The following GALNT3 variants were observed in gnomAD, a reference collection of about 807,000 sequenced individuals.
GALNT3 encodes polypeptide N-acetylgalactosaminyltransferase 3.
GALNT3 carries 51 observed loss-of-function variants against 69.8 expected under a neutral mutation model. That is an observed-to-expected ratio of 0.73 (90% CI 0.58 to 0.92). The LOEUF is 0.92. Ranked by LOEUF, GALNT3 falls within the 40% of genes least tolerant of loss-of-function variation. The pLI is 0.00. For missense variants in GALNT3, 711 were observed against 760.0 expected, an observed-to-expected ratio of 0.94 and a Z score of 0.76; for synonymous variants, 265 against 248.5, an observed-to-expected ratio of 1.07 and a Z score of -0.63.
chr2:165,765,579 T>A (rs1352302244), intron 2 of GALNT3, among the ~76,000 whole-genome samples: 1 of 151,918 alleles, frequency 6.6e-6, no homozygotes, highest in Non-Finnish European at 1.5e-5. Context: ...AAGCTTCACC[T>A]CCCAGGTTCA....
At chr2:165,784,432 A>C (rs1683178001) in intron 1 of GALNT3, among the ~76,000 whole-genome samples, 1 of 152,200 alleles carries the variant, frequency 6.6e-6, no homozygotes, top group Non-Finnish European at 1.5e-5. Flanking sequence ...TATAAGGGGC[A>C]TGGAAGCTTA....
intron 3 of GALNT3, among the ~76,000 whole-genome samples, chr2:165,763,136 C>G (rs554832264): frequency 8.5e-5 from 13 of 152,128 alleles, no homozygotes; most frequent in South Asian, 6.2e-4. Flanking sequence ...GCCTGTTTTT[C>G]TCAATTAAAT....
chr2:165,756,182 T>A (rs1187271045), intron 7 of GALNT3, among the ~76,000 whole-genome samples: 1 of 152,136 alleles, frequency 6.6e-6, no homozygotes, highest in Non-Finnish European at 1.5e-5. Context: ...AGCCAAAATA[T>A]TGATACCCTT....
intron 2 of GALNT3, among the ~76,000 whole-genome samples, chr2:165,766,044 G>A (rs1688637715): frequency 6.6e-6 from 1 of 152,074 alleles, no homozygotes; most frequent in Non-Finnish European, 1.5e-5. Flanking sequence ...CTCCCATAGT[G>A]GTGGGATTAT....
At position 165,747,591 on chromosome 2, in the gene GALNT3, G is replaced by C. The variant is rs767291380; in HGVS notation, c.*1190C>G. 1 of 151,770 alleles carries C rather than the reference G, an allele frequency of 6.6e-6. No individual in the cohort carries two copies. The highest frequency in any genetic ancestry group is 2.4e-5 in the African/African-American group (1 of 41,286). 9.4% of individuals were successfully genotyped at this position (151,770 alleles called of 1,614,324 possible). A position where few individuals can be genotyped will look rare whatever the true frequency, so the allele number is the denominator to read the frequency against. On this transcript the variant is annotated 3_prime_UTR_variant, in exon 11 of 11. Transcript: ENST00000392701. ...ATTTTTTTAAAACATCATTCTATCAGATGCTTAAGGAACTTTATCAGAAAT... is the reference window on the plus strand; with the variant it reads ...ATTTTTTTAAAACATCATTCTATCACATGCTTAAGGAACTTTATCAGAAAT...
intron 2 of GALNT3, among the ~76,000 whole-genome samples, chr2:165,769,443 ATAAAT>A (rs1420581175): frequency 7.4e-6 from 1 of 135,774 alleles, no homozygotes; most frequent in African/African-American, 2.7e-5. Flanking sequence ...ATAATAATAA[ATAAAT>A]AAATAAATAA....
intron 5 of GALNT3, among the ~76,000 whole-genome samples, chr2:165,759,099 G>T (rs1363281710): frequency 1.3e-5 from 2 of 152,094 alleles, no homozygotes; most frequent in African/African-American, 4.8e-5. Context: ...CATGCTTTAC[G>T]ATTTTTAAGT....
rs182310566 is a variant in GALNT3, at chr2:165,751,295, C to G, written c.1627-1401G>C. On this transcript the variant is annotated intron_variant, in intron 9 of 10. Transcript: ENST00000392701. ...TTACAGTAGGCACTCTACAAACATT[C>G]GCTGAATTCACAGAGCCATATATCT... Among the ~76,000 whole-genome samples, 9 of 152,218 alleles carry G rather than the reference C, an allele frequency of 5.9e-5. No individual in the cohort carries two copies. In the East Asian group the frequency reaches 1.7e-3, roughly 29 times the overall value.
intron 1 of GALNT3, among the ~76,000 whole-genome samples, chr2:165,783,990 G>A (rs1377217456): frequency 6.6e-6 from 1 of 152,088 alleles, no homozygotes; most frequent in South Asian, 2.1e-4. Flanking sequence ...TGAAATTCCT[G>A]CATTATCCAC....
intron 9 of GALNT3, 83 bp downstream of exon 9, chr2:165,754,544 T>A (rs551939201): frequency 3.1e-6 from 3 of 957,548 alleles, no homozygotes; most frequent in African/African-American, 1.6e-5. Flanking sequence ...ATAAAGCTGC[T>A]GTGGGACTTC....
At chr2:165,769,364 C>T (rs1441532097) in intron 2 of GALNT3, among the ~76,000 whole-genome samples, 1 of 148,236 alleles carries the variant, frequency 6.7e-6, no homozygotes, top group Non-Finnish European at 1.5e-5. Context: ...CGAGATCACA[C>T]TACTGCACTC....
At chr2:165,784,523 G>A (rs12617595) in intron 1 of GALNT3, among the ~76,000 whole-genome samples, 15,401 of 152,130 alleles carry the variant, frequency 0.1, 1,233 homozygotes, top group East Asian at 0.33. Context: ...AAGTTGTGAC[G>A]GGTGTTAAGG....
intron 1 of GALNT3, among the ~76,000 whole-genome samples, chr2:165,786,815 G>A (rs1435202049): frequency 6.6e-6 from 1 of 152,062 alleles, no homozygotes; most frequent in Admixed American, 6.5e-5. Context: ...CTTTAAAATA[G>A]GGAGGAAAAT....
chr2:165,759,313 G>A, intron 5 of GALNT3, 23 bp downstream of exon 5: 4 of 1,572,152 alleles, frequency 2.5e-6, no homozygotes, highest in Non-Finnish European at 3.5e-6. Flanking sequence ...GTAAATATAA[G>A]ACTCTGAGAG....
chr2:165,770,497 T>C lies in GALNT3; in HGVS notation c.204A>G (p.Glu68=), dbSNP rs201112446. The stretch of plus-strand genomic sequence containing the variant: ...TGGCATCCTTAATATTGTTTACAGC[T>C]TCTAGCATTAAATCCAACATCTTGT... ...NKNKMLDLML[E]AVNNIKDAMP... is the part of the protein sequence containing the mutation. The change falls in exon 2 of 11, where the codon GAA becomes GAG. Residue 68 remains glutamate (E), a synonymous_variant. Coordinates refer to ENST00000392701, the MANE Select transcript of GALNT3 (RefSeq NM_004482.4). The C allele has an allele frequency of 1.9e-5, 31 of 1,614,116 alleles. No homozygotes were observed. The highest frequency in any genetic ancestry group is 6.8e-6 in the Non-Finnish European group (8 of 1,180,044).
chr2:165,778,479 C>T (rs769456689), intron 1 of GALNT3, among the ~76,000 whole-genome samples: 30 of 152,246 alleles, frequency 2.0e-4, no homozygotes, highest in Admixed American at 4.6e-4. Context: ...ATTGGAGTAA[C>T]AGGAAATTGC....
chr2:165,781,729 G>A (rs1351892125), intron 1 of GALNT3, among the ~76,000 whole-genome samples: 1 of 151,994 alleles, frequency 6.6e-6, no homozygotes, highest in Non-Finnish European at 1.5e-5. Flanking sequence ...TAAAGTATTT[G>A]CTACTTTCTT....
At chr2:165,764,845 G>A (rs763763243) in intron 3 of GALNT3, 39 bp downstream of exon 3, 35 of 1,603,736 alleles carry the variant, frequency 2.2e-5, no homozygotes, top group Middle Eastern at 3.3e-4. Context: ...ACCACAATAT[G>A]GATTTGGGAA....
In GALNT3 at chr2:165,794,130, T is replaced by A. The variant is rs1683414891; in HGVS notation, c.-224A>T. On this transcript the variant is annotated 5_prime_UTR_variant, in exon 1 of 11. Transcript: ENST00000392701. Reference sequence around the variant, plus strand: ...CGACTCCGGTTGCTGTCGCCACAGTTGCGGCTCAGTAGAGCTCCTCCTCCG... The same window carrying A: ...CGACTCCGGTTGCTGTCGCCACAGTAGCGGCTCAGTAGAGCTCCTCCTCCG... 6.6e-6 allele frequency: 1 copy of A among 152,498 alleles called. No individual in the cohort carries two copies. Among genetic ancestry groups the A allele is most frequent in the East Asian group, 1.9e-4 (1 of 5,168 alleles). The allele number at this position is 152,498 out of a possible 1,614,324, so 9.4% of individuals were successfully genotyped here. A position where few individuals can be genotyped will look rare whatever the true frequency, so the allele number is the denominator to read the frequency against.
Sources: allele counts gnomAD v4.1 joint callset (sites outside exome capture counted in the v4.1 genomes callset), GRCh38; gene constraint gnomAD v4.1.1; transcripts MANE v1.5; gene names NCBI Gene and HGNC (gene_info 2026-07-23, HGNC 2026-07-21).